NOVA1: variants seen among roughly 807,000 people sequenced by gnomAD.
The protein encoded by NOVA1 is RNA-binding protein Nova-1.
NOVA1 carries 7 observed loss-of-function variants against 38.0 expected under a neutral mutation model. That is an observed-to-expected ratio of 0.18 (90% confidence interval 0.10 to 0.35). The LOEUF is 0.35. Among genes scored for constraint, NOVA1 ranks in the 10% least tolerant of loss-of-function variants. The pLI, the probability that NOVA1 is intolerant of heterozygous loss-of-function variation, is 1.00. For synonymous variants in NOVA1, 270 were observed against 232.5 expected (o/e 1.16, Z -1.47); for missense variants, 460 against 616.0 (o/e 0.75, Z 2.68).
intron 2 of NOVA1, chr14:26,549,849 G>T (rs1004315751): frequency 5.2e-5 from 36 of 692,944 alleles, no homozygotes; most frequent in Non-Finnish European, 7.4e-5. Flanking sequence ...TTCGGTGGTG[G>T]GTGAAGTGAC....
chr14:26,479,923 G>C, intron 3 of NOVA1, 54 bp downstream of exon 3: 1 of 1,569,166 alleles, frequency 6.4e-7, no homozygotes. Context: ...CTTTTGTAAG[G>C]AACTTATACT....
intron 2 of NOVA1, among the ~76,000 whole-genome samples, chr14:26,497,115 A>C (rs1886871319): frequency 6.6e-6 from 1 of 152,204 alleles, no homozygotes; most frequent in Admixed American, 6.5e-5. Flanking sequence ...ATACAAAATC[A>C]ATGTACAAAA....
intron 2 of NOVA1, among the ~76,000 whole-genome samples, chr14:26,528,634 C>T (rs1443216717): frequency 2.0e-5 from 3 of 152,026 alleles, no homozygotes; most frequent in Non-Finnish European, 4.4e-5. Context: ...TCTTAGCCAC[C>T]GAGCCAGTAT....
chr14:26,469,785 G>T (rs1241639969), intron 4 of NOVA1, among the ~76,000 whole-genome samples: 1 of 152,130 alleles, frequency 6.6e-6, no homozygotes, highest in East Asian at 1.9e-4. Context: ...TTTAGAGACA[G>T]GGTCTTGGCT....
At chr14:26,488,698 A>C (rs190864851) in intron 2 of NOVA1, among the ~76,000 whole-genome samples, 6 of 152,272 alleles carry the variant, frequency 3.9e-5, no homozygotes, top group Non-Finnish European at 5.9e-5. Flanking sequence ...AATTACAGAA[A>C]TATAAAACTG....
chr14:26,579,144 G>A (rs1893054703), intron 2 of NOVA1, among the ~76,000 whole-genome samples: 1 of 127,220 alleles, frequency 7.9e-6, no homozygotes, highest in East Asian at 2.7e-4. Flanking sequence ...TGGAACCTCC[G>A]CCTCCCAGGT....
In NOVA1 at chr14:26,595,302, A is replaced by G. The variant is rs2138828761; in HGVS notation, c.280+108T>C. ...TATTCCTATAAAGCAATATCTAAAT[A>G]AAGTCTCCAGTATTGTTTAAAAATT... On this transcript the variant is annotated intron_variant, in intron 2 of 4. Transcript: ENST00000539517. The G allele has an allele frequency of 3.8e-6, 4 of 1,065,046 alleles. No individual in the cohort carries two copies. The Admixed American group carries it at 7.2e-5, about 19-fold the overall frequency. The allele number at this position is 1,065,046 out of a possible 1,614,324, so 66.0% of individuals were successfully genotyped here. A position where few individuals can be genotyped will look rare whatever the true frequency, so the allele number is the denominator to read the frequency against.
intron 2 of NOVA1, among the ~76,000 whole-genome samples, chr14:26,489,388 G>A (rs966175580): frequency 1.3e-5 from 2 of 151,994 alleles, no homozygotes; most frequent in Admixed American, 1.3e-4. Flanking sequence ...TCAAATAAAT[G>A]TAGAGGTAGG....
chr14:26,584,958 C>G (rs1893430475), intron 2 of NOVA1, among the ~76,000 whole-genome samples: 2 of 151,490 alleles, frequency 1.3e-5, no homozygotes, highest in South Asian at 4.1e-4. Flanking sequence ...TACTTAAAAT[C>G]CGTGGCAAAG....
At chr14:26,467,070 T>C (rs1038797680) in intron 4 of NOVA1, among the ~76,000 whole-genome samples, 1 of 152,108 alleles carries the variant, frequency 6.6e-6, no homozygotes, top group South Asian at 2.1e-4. Flanking sequence ...TGTCAGCATA[T>C]AAAAGCCAAG....
chr14:26,477,658 CTA>C (rs2138280816), intron 3 of NOVA1, among the ~76,000 whole-genome samples: 1 of 152,048 alleles, frequency 6.6e-6, no homozygotes, highest in African/African-American at 2.4e-5. Flanking sequence ...TTAGACATAA[CTA>C]TTTTATACTG....
chr14:26,494,193 C>T (rs1886581037), intron 2 of NOVA1, among the ~76,000 whole-genome samples: 1 of 152,086 alleles, frequency 6.6e-6, no homozygotes, highest in African/African-American at 2.4e-5. Context: ...GAGCATATGC[C>T]TCATATCCAA....
At chr14:26,535,505 A>G (rs1890000684) in intron 2 of NOVA1, among the ~76,000 whole-genome samples, 1 of 152,210 alleles carries the variant, frequency 6.6e-6, no homozygotes, top group African/African-American at 2.4e-5. Flanking sequence ...AAAACAATAC[A>G]TCAAATAAGG....
chr14:26,571,559 G>A (rs774530258), intron 2 of NOVA1, among the ~76,000 whole-genome samples: 1 of 152,166 alleles, frequency 6.6e-6, no homozygotes, highest in Non-Finnish European at 1.5e-5. Flanking sequence ...CCACAAGAGC[G>A]AGGAGGCTCC....
chr14:26,469,216 T>C (rs1024471082), intron 4 of NOVA1, among the ~76,000 whole-genome samples: 1 of 152,206 alleles, frequency 6.6e-6, no homozygotes, highest in East Asian at 1.9e-4. Flanking sequence ...TCTTATAACG[T>C]TTCTTCTTCA....
intron 2 of NOVA1, among the ~76,000 whole-genome samples, chr14:26,575,800 ATCTATAACAAC>A (rs1424005085): frequency 2.6e-5 from 4 of 152,018 alleles, no homozygotes; most frequent in Non-Finnish European, 5.9e-5. Flanking sequence ...ATTTTATTAA[ATCTATAACAAC>A]TCATTTTTTC....
intron 2 of NOVA1, among the ~76,000 whole-genome samples, chr14:26,575,686 G>A (rs1892796359): frequency 6.6e-6 from 1 of 151,662 alleles, no homozygotes; most frequent in Non-Finnish European, 1.5e-5. Context: ...TCTTATTCTG[G>A]CAGAACATTT....
chr14:26,507,800 A>T (rs976534136), intron 2 of NOVA1, among the ~76,000 whole-genome samples: 1 of 152,138 alleles, frequency 6.6e-6, no homozygotes, highest in African/African-American at 2.4e-5. Context: ...AATGTGTATG[A>T]CTTTAATTAT....
intron 2 of NOVA1, among the ~76,000 whole-genome samples, chr14:26,525,451 C>T: frequency 6.6e-6 from 1 of 152,078 alleles, no homozygotes; most frequent in East Asian, 1.9e-4. Flanking sequence ...CACAAAAGAA[C>T]CTGTGACAGT....
Sources: gnomAD v4.1 joint callset for allele counts (sites outside exome capture counted in the v4.1 genomes callset) on GRCh38, gnomAD v4.1.1 for gene constraint, MANE v1.5 for transcripts, NCBI Gene and HGNC (gene_info 2026-07-23, HGNC 2026-07-21) for gene names.